The following BACH2 variants were observed in gnomAD, a reference collection of about 807,000 sequenced individuals.
BACH2 encodes the protein transcription regulator protein BACH2.
Under a neutral mutation model 61.8 loss-of-function variants are expected in BACH2, and 5 were observed. The ratio of observed to expected loss-of-function variants is 0.08; its 90% CI spans 0.04 to 0.17. The LOEUF (loss-of-function observed/expected upper bound fraction) is 0.17. Among genes scored for constraint, BACH2 ranks in the 10% least tolerant of loss-of-function variants. BACH2 has a pLI of 1.00. For synonymous variants in BACH2, 446 were observed against 440.1 expected (o/e 1.01, Z -0.17); for missense variants, 824 against 1,091.1 (o/e 0.76, Z 3.45).
intron 5 of BACH2, among the ~76,000 whole-genome samples, chr6:90,013,158 T>C (rs186132009): frequency 1.2e-4 from 18 of 152,322 alleles, no homozygotes; most frequent in African/African-American, 4.1e-4. Context: ...TCATAGCCTG[T>C]TTTTTCTTGG....
At chr6:90,052,465 G>A (rs544439465) in intron 5 of BACH2, among the ~76,000 whole-genome samples, 6 of 152,088 alleles carry the variant, frequency 3.9e-5, no homozygotes, top group African/African-American at 1.2e-4. Context: ...TGTTACCCAG[G>A]CTGGAGTTCA....
chr6:89,949,387 C>T (rs775600089), intron 7 of BACH2, among the ~76,000 whole-genome samples: 3 of 152,158 alleles, frequency 2.0e-5, no homozygotes, highest in African/African-American at 4.8e-5. Flanking sequence ...CAGGTCACGA[C>T]ACAGACTCTC....
rs372253978 is a variant in BACH2, at chr6:90,169,508, G to A, written c.-162+37061C>T. Among the ~76,000 whole-genome samples, 21 of 152,208 alleles carry A rather than the reference G, an allele frequency of 1.4e-4. No homozygotes were observed. In the East Asian group the frequency reaches 2.3e-3, roughly 17 times the overall value. ...CCCAGACATTCACCCCACTTCCTGC[G>A]GGTAGCCACTACAATTGTTTAATAA... On this transcript the variant is annotated intron_variant, in intron 4 of 8. Transcript: ENST00000257749.
At chr6:90,095,089 T>G (rs1165843731) in intron 4 of BACH2, among the ~76,000 whole-genome samples, 1 of 152,188 alleles carries the variant, frequency 6.6e-6, no homozygotes, top group Non-Finnish European at 1.5e-5. Flanking sequence ...ACAAACATCT[T>G]GAGAGTGGCC....
At chr6:90,096,105 G>A (rs1036946930) in intron 4 of BACH2, among the ~76,000 whole-genome samples, 2 of 152,200 alleles carry the variant, frequency 1.3e-5, no homozygotes, top group Non-Finnish European at 2.9e-5. Context: ...AAAGTAAACT[G>A]ACAAGGCTGC....
At chr6:89,937,687 G>T (rs1773111206) in intron 8 of BACH2, among the ~76,000 whole-genome samples, 1 of 152,076 alleles carries the variant, frequency 6.6e-6, no homozygotes, top group Admixed American at 6.5e-5. Flanking sequence ...GTGCTGCCAT[G>T]CCCGGCTAAT....
At position 90,036,091 on chromosome 6, in the gene BACH2, T is replaced by C. The variant is rs368151182; in HGVS notation, c.-12-27235A>G. Among the ~76,000 whole-genome samples, 100 of 151,992 alleles carry C rather than the reference T, an allele frequency of 6.6e-4. No homozygotes were observed. The South Asian group carries it at 0.017, about 26-fold the overall frequency. On this transcript the variant is annotated intron_variant, in intron 5 of 8. Coordinates refer to ENST00000257749, the MANE Select transcript of BACH2 (RefSeq NM_021813.4). Reference sequence around the variant, plus strand: ...AACTGTAGCTCTTCATGTATTTCCTTAAGTGAAAATAAAATGGGTTTCCTT... The same window carrying C: ...AACTGTAGCTCTTCATGTATTTCCTCAAGTGAAAATAAAATGGGTTTCCTT...
chr6:89,934,263 A>G, intron 8 of BACH2, among the ~76,000 whole-genome samples: 1 of 152,190 alleles, frequency 6.6e-6, no homozygotes, highest in East Asian at 1.9e-4. Flanking sequence ...TTCTCCTTAA[A>G]CAAAATCCTA....
chr6:90,091,494 C>A (rs1262446088), intron 4 of BACH2, among the ~76,000 whole-genome samples: 1 of 152,036 alleles, frequency 6.6e-6, no homozygotes, highest in African/African-American at 2.4e-5. Flanking sequence ...GTCTTACAGC[C>A]CCAGGTTCTT....
chr6:90,090,594 G>A (rs1782120894), intron 4 of BACH2, among the ~76,000 whole-genome samples: 1 of 152,112 alleles, frequency 6.6e-6, no homozygotes, highest in Non-Finnish European at 1.5e-5. Context: ...ACAGCTTGCT[G>A]TTTTTGACAT....
At chr6:90,065,146 T>C (rs745733384) in intron 5 of BACH2, among the ~76,000 whole-genome samples, 43 of 151,162 alleles carry the variant, frequency 2.8e-4, no homozygotes, top group Admixed American at 5.3e-4. Flanking sequence ...AAAAAGCCTA[T>C]ACATTGATAA....
chr6:90,124,429 A>T (rs1395667902), intron 4 of BACH2, among the ~76,000 whole-genome samples: 1 of 152,208 alleles, frequency 6.6e-6, no homozygotes, highest in Non-Finnish European at 1.5e-5. Flanking sequence ...TGCTACTCAG[A>T]GTGTGGTCCA....
At chr6:90,014,440 GTA>G (rs1201471150) in intron 5 of BACH2, among the ~76,000 whole-genome samples, 491 of 47,978 alleles carry the variant, frequency 0.01, 5 homozygotes, top group Middle Eastern at 0.044. Flanking sequence ...GTGTGTGTGT[GTA>G]TATATATATA....
At chr6:90,064,926 G>A (rs867468311) in intron 5 of BACH2, among the ~76,000 whole-genome samples, 13 of 152,220 alleles carry the variant, frequency 8.5e-5, no homozygotes, top group Middle Eastern at 3.4e-3. Context: ...AATTCAGCAA[G>A]CATGTACCTA....
At chr6:90,249,106 A>G (rs1770726265) in intron 3 of BACH2, among the ~76,000 whole-genome samples, 1 of 152,216 alleles carries the variant, frequency 6.6e-6, no homozygotes, top group Non-Finnish European at 1.5e-5. Context: ...TGACTAGGTA[A>G]GATGATTTTC....
At position 89,927,507 on chromosome 6, in the gene BACH2, G is replaced by A. The variant is rs568383542; in HGVS notation, c.*4901C>T. ...ATGAATGGTCTTGGTGCACACTTCTGCTTCTAAGAAGGGCCAGTGTTTTAT... is the reference window on the plus strand; with the variant it reads ...ATGAATGGTCTTGGTGCACACTTCTACTTCTAAGAAGGGCCAGTGTTTTAT... On this transcript the variant is annotated 3_prime_UTR_variant, in exon 9 of 9. Coordinates refer to ENST00000257749, the MANE Select transcript of BACH2 (RefSeq NM_021813.4). 8 of 152,908 alleles carry A rather than the reference G, an allele frequency of 5.2e-5. No homozygotes were observed. Among genetic ancestry groups the A allele is most frequent in the African/African-American group, 1.9e-4 (8 of 41,574 alleles). The allele number at this position is 152,908 out of a possible 1,614,324, so 9.5% of individuals were successfully genotyped here. A position where few individuals can be genotyped will look rare whatever the true frequency, so the allele number is the denominator to read the frequency against.
intron 5 of BACH2, among the ~76,000 whole-genome samples, chr6:90,035,067 C>T (rs901658302): frequency 2.0e-5 from 3 of 152,060 alleles, no homozygotes; most frequent in African/African-American, 7.2e-5. Flanking sequence ...TGTATAATTA[C>T]CCCTTAGATA....
intron 8 of BACH2, among the ~76,000 whole-genome samples, chr6:89,935,793 G>T (rs1005670880): frequency 2.6e-5 from 4 of 152,134 alleles, no homozygotes; most frequent in Non-Finnish European, 5.9e-5. Flanking sequence ...TCAAATGTGG[G>T]TGACTGAAGT....
chr6:90,279,296 G>A (rs1263400816), intron 1 of BACH2, among the ~76,000 whole-genome samples: 4 of 152,098 alleles, frequency 2.6e-5, no homozygotes, highest in Admixed American at 6.5e-5. Flanking sequence ...GCTGAGGTGG[G>A]CGGATCACCT....
Sources: allele counts gnomAD v4.1 joint callset (sites outside exome capture counted in the v4.1 genomes callset), GRCh38; gene constraint gnomAD v4.1.1; transcripts MANE v1.5; gene names NCBI Gene and HGNC (gene_info 2026-07-23, HGNC 2026-07-21).